The following LRIG3 variants were observed in gnomAD, a reference collection of about 807,000 sequenced individuals.
LRIG3 encodes the protein leucine rich repeats and immunoglobulin like domains 3, also known as leucine-rich repeats and immunoglobulin-like domains protein 3.
LRIG3 carries 76 observed loss-of-function variants against 114.5 expected under a neutral mutation model. The ratio of observed to expected loss-of-function variants is 0.66; its 90% confidence interval spans 0.55 to 0.80. The LOEUF (loss-of-function observed/expected upper bound fraction) is 0.80, where lower values mean the gene tolerates loss of function less well. LRIG3 is among the 30% of genes least tolerant of loss of function. The pLI is 0.00. For synonymous variants in LRIG3, 512 were observed against 519.8 expected (o/e 0.98, Z 0.20); for missense variants, 1,239 against 1,382.8 (o/e 0.90, Z 1.65).
intron 1 of LRIG3, among the ~76,000 whole-genome samples, chr12:58,914,972 G>A (rs1443363295): frequency 6.6e-6 from 1 of 152,164 alleles, no homozygotes; most frequent in Non-Finnish European, 1.5e-5. Flanking sequence ...TCAGCAGATT[G>A]CACAAAAACT....
chr12:58,913,167 CAACT>C (rs1486300543), intron 3 of LRIG3, among the ~76,000 whole-genome samples: 1 of 152,192 alleles, frequency 6.6e-6, no homozygotes, highest in African/African-American at 2.4e-5. Flanking sequence ...CTCTCAGAAG[CAACT>C]AACAATGGTG....
intron 3 of LRIG3, among the ~76,000 whole-genome samples, chr12:58,909,242 A>G (rs1282217762): frequency 6.6e-6 from 1 of 152,190 alleles, no homozygotes. Context: ...CAGGTCAGCT[A>G]TAGAGGGCAG....
intron 6 of LRIG3, 92 bp from the exon 7 acceptor site, chr12:58,888,564 C>G: frequency 6.7e-7 from 1 of 1,489,340 alleles, no homozygotes; most frequent in Non-Finnish European, 9.1e-7. Flanking sequence ...TTACAGATTC[C>G]TATTGTTATT....
intron 16 of LRIG3, 69 bp from the exon 17 acceptor site, chr12:58,874,642 G>T: frequency 6.3e-7 from 1 of 1,580,766 alleles, no homozygotes; most frequent in Non-Finnish European, 8.6e-7. Context: ...CCCAGTTTTG[G>T]CATCTTCCAT....
intron 1 of LRIG3, among the ~76,000 whole-genome samples, chr12:58,914,862 G>A (rs1872419186): frequency 6.6e-6 from 1 of 152,176 alleles, no homozygotes; most frequent in Non-Finnish European, 1.5e-5. Flanking sequence ...TGTGAGTGTT[G>A]AGAGGGTAGA....
intron 3 of LRIG3, among the ~76,000 whole-genome samples, chr12:58,895,184 A>T (rs11172802): frequency 0.035 from 5,298 of 152,344 alleles, 148 homozygotes; most frequent in Non-Finnish European, 0.051. Flanking sequence ...GGAGTTCTAC[A>T]TGAGCAAGAT....
At chr12:58,882,026 A>G (rs768137381) in intron 12 of LRIG3, among the ~76,000 whole-genome samples, 18 of 152,220 alleles carry the variant, frequency 1.2e-4, no homozygotes, top group Admixed American at 2.0e-4. Flanking sequence ...GCTACATCAG[A>G]GGTTTTATTT....
At chr12:58,904,120 T>C (rs1458679000) in intron 3 of LRIG3, among the ~76,000 whole-genome samples, 1 of 152,198 alleles carries the variant, frequency 6.6e-6, no homozygotes, top group Non-Finnish European at 1.5e-5. Context: ...TTTTCTTTCA[T>C]GTTTTAAATT....
intron 3 of LRIG3, among the ~76,000 whole-genome samples, chr12:58,899,364 A>G (rs1871760096): frequency 6.6e-6 from 1 of 152,074 alleles, no homozygotes; most frequent in African/African-American, 2.4e-5. Flanking sequence ...TGAAATTCCA[A>G]TTAGATAAGT....
In LRIG3 at chr12:58,920,415, A is replaced by G. The variant is rs977019323; in HGVS notation, c.-180T>C. The stretch of plus-strand genomic sequence containing the variant: ...GCGGCGAAGCCCTTTCATGCCCCCA[A>G]ACAGCAGGAGGGAAACCGAAAAGAA... On this transcript the variant is annotated 5_prime_UTR_variant, in exon 1 of 19. Transcript: ENST00000320743. 20 of 434,244 alleles carry G rather than the reference A, an allele frequency of 4.6e-5. No homozygotes were observed. Among genetic ancestry groups the G allele is most frequent in the African/African-American group, 3.9e-4 (19 of 48,354 alleles). 26.9% of individuals were successfully genotyped at this position (434,244 alleles called of 1,614,324 possible).
At position 58,902,265 on chromosome 12, in the gene LRIG3, TA is replaced by T. The variant is rs534363186; in HGVS notation, c.384-11470del. 1.1e-4 allele frequency among the ~76,000 whole-genome samples: 17 copies of T among 149,680 alleles called. No homozygotes were observed. In the Middle Eastern group the frequency reaches 0.01, roughly 92 times the overall value. On this transcript the variant is annotated intron_variant, in intron 3 of 18. Coordinates refer to ENST00000320743, the MANE Select transcript of LRIG3 (RefSeq NM_153377.5). The stretch of plus-strand genomic sequence containing the variant: ...ACTCAATTCAAAAGCATCTTATTCT[TA>T]AAAAAAAAATGTAAAAAAAATGCTC...
intron 14 of LRIG3, among the ~76,000 whole-genome samples, chr12:58,878,331 C>A (rs1012518864): frequency 2.0e-5 from 3 of 151,982 alleles, no homozygotes; most frequent in African/African-American, 7.2e-5. Context: ...TTAATTAGCT[C>A]TTTCAAAGAT....
intron 3 of LRIG3, among the ~76,000 whole-genome samples, chr12:58,913,218 T>A (rs1411800147): frequency 6.6e-6 from 1 of 152,228 alleles, no homozygotes; most frequent in Non-Finnish European, 1.5e-5. Context: ...AAACATTTTT[T>A]AACATCAGTA....
intron 3 of LRIG3, among the ~76,000 whole-genome samples, chr12:58,909,202 AT>A (rs1872180681): frequency 6.6e-6 from 1 of 152,004 alleles, no homozygotes; most frequent in Non-Finnish European, 1.5e-5. Context: ...CACATCTCTT[AT>A]TTATTTTTTG....
rs1162474378 is a variant in LRIG3 at position 58,872,618 on chromosome 12, T to A, written c.3314A>T (p.Glu1105Val). Reference protein sequence around the residue: ...NHICTFKQTLENYRTPNFQSY... With the variant: ...NHICTFKQTLVNYRTPNFQSY... Reference sequence around the variant, plus strand: ...CTGAAAATTTGGAGTCCTGTAGTTTTCTAAAGTCTGTTTAAAGGTACAAAT... The same window carrying A: ...CTGAAAATTTGGAGTCCTGTAGTTTACTAAAGTCTGTTTAAAGGTACAAAT... Residue 1105 changes from glutamate to valine, a missense_variant, in exon 19 of 19, where the codon GAA becomes GTA. Glu to Val is a moderately radical substitution (Grantham distance 121). Coordinates refer to ENST00000320743, the MANE Select transcript of LRIG3 (RefSeq NM_153377.5). 1 of 1,613,972 alleles carries A rather than the reference T, an allele frequency of 6.2e-7. No homozygotes were observed. Among genetic ancestry groups the A allele is most frequent in the Non-Finnish European group, 8.5e-7 (1 of 1,179,988 alleles).
intron 3 of LRIG3, among the ~76,000 whole-genome samples, chr12:58,910,310 T>TAATC (rs1872228150): frequency 6.6e-6 from 1 of 152,190 alleles, no homozygotes. Context: ...TAGTGTCTGA[T>TAATC]AATCTAACCA....
At chr12:58,894,226 G>A (rs943132208) in intron 3 of LRIG3, among the ~76,000 whole-genome samples, 6 of 152,180 alleles carry the variant, frequency 3.9e-5, no homozygotes, top group Admixed American at 1.3e-4. Context: ...AGTTCTAGAC[G>A]GAGCGTGCAC....
intron 3 of LRIG3, among the ~76,000 whole-genome samples, chr12:58,907,477 C>T (rs1476651496): frequency 3.3e-5 from 5 of 152,204 alleles, no homozygotes. Flanking sequence ...CTGCATTCCT[C>T]CTGTGACCCT....
intron 7 of LRIG3, among the ~76,000 whole-genome samples, 166 bp from the exon 8 acceptor site, chr12:58,888,098 G>A (rs143381088): frequency 2.0e-5 from 3 of 152,106 alleles, no homozygotes; most frequent in East Asian, 1.9e-4. Flanking sequence ...AAAAAAATAC[G>A]TTCTCTTTAC....
Sources: allele counts gnomAD v4.1 joint callset (sites outside exome capture counted in the v4.1 genomes callset), GRCh38; gene constraint gnomAD v4.1.1; transcripts MANE v1.5; gene names NCBI Gene and HGNC (gene_info 2026-07-23, HGNC 2026-07-21).